The following PCNX2 variants were observed in gnomAD, a reference collection of about 807,000 sequenced individuals.
PCNX2 encodes the protein pecanex 2.
A neutral mutation model predicts 223.8 loss-of-function variants in PCNX2; 168 were observed. That is an observed-to-expected ratio of 0.75 (90% CI 0.66 to 0.85). The LOEUF (loss-of-function observed/expected upper bound fraction) is 0.85, where lower values mean the gene tolerates loss of function less well. Among genes scored for constraint, PCNX2 ranks in the 40% least tolerant of loss-of-function variants. PCNX2 has a pLI of 0.00. For missense variants in PCNX2, 2,507 were observed against 2,675.5 expected (o/e 0.94, Z 1.39); for synonymous variants, 1,006 against 1,052.6 (o/e 0.96, Z 0.86).
At position 233,017,002 on chromosome 1, in the gene PCNX2, C is replaced by T. The variant is rs756408220; in HGVS notation, c.4758G>A (p.Pro1586=). ...FNINIDDDYV[P]CLQGITRASF... ...TAGCTCGTGTGATCCCCTGGAGACA[C>T]GGGACGTAGTCATCATCAATGTTAA... The change falls in exon 27 of 34, where the codon CCG becomes CCA. Residue 1586 remains proline, a synonymous_variant. Transcript: ENST00000258229. 15 of 1,613,812 alleles carry T rather than the reference C, an allele frequency of 9.3e-6. No homozygotes were observed. The highest frequency in any genetic ancestry group is 5.0e-5 in the Admixed American group (3 of 59,976).
At chr1:233,317,275 G>A in the PCNX2 span, among the ~76,000 whole-genome samples, 167 of 152,168 alleles carry the variant, frequency 1.1e-3, no homozygotes, top group African/African-American at 3.8e-3. Flanking sequence ...TTAGCTGGGC[G>A]TGATGATGGG....
At chr1:233,158,871 G>A (rs1290011161) in intron 19 of PCNX2, among the ~76,000 whole-genome samples, 2 of 152,150 alleles carry the variant, frequency 1.3e-5, no homozygotes, top group Admixed American at 1.3e-4. Context: ...ATAGAAACTG[G>A]TCTTTTTCAT....
chr1:233,068,755 A>G (rs1247388575), intron 23 of PCNX2, among the ~76,000 whole-genome samples: 1 of 152,076 alleles, frequency 6.6e-6, no homozygotes, highest in East Asian at 1.9e-4. Context: ...ATTCTGAAAA[A>G]TGTTCAAGAA....
intron 32 of PCNX2, among the ~76,000 whole-genome samples, chr1:232,994,012 C>T (rs967077173): frequency 5.3e-5 from 8 of 152,204 alleles, no homozygotes; most frequent in Non-Finnish European, 8.8e-5. Context: ...GCTGCAGGGG[C>T]GGAGTTCTCA....
At chr1:233,081,198 T>C (rs1673343337) in intron 23 of PCNX2, among the ~76,000 whole-genome samples, 1 of 151,928 alleles carries the variant, frequency 6.6e-6, no homozygotes, top group Non-Finnish European at 1.5e-5. Context: ...AATACAAAAA[T>C]TAGCCAGGCA....
chr1:232,996,012 C>T (rs1203765296), intron 32 of PCNX2, among the ~76,000 whole-genome samples: 1 of 152,136 alleles, frequency 6.6e-6, no homozygotes, highest in African/African-American at 2.4e-5. Context: ...CACCCACCAC[C>T]ACACCTGGCT....
At chr1:233,291,339 G>T (rs1475316893) in intron 1 of PCNX2, among the ~76,000 whole-genome samples, 2 of 152,160 alleles carry the variant, frequency 1.3e-5, no homozygotes, top group Non-Finnish European at 2.9e-5. Flanking sequence ...GCCAGGCATG[G>T]TGGCTCACGC....
intron 7 of PCNX2, among the ~76,000 whole-genome samples, chr1:233,251,576 G>A (rs567485318): frequency 1.6e-4 from 25 of 152,258 alleles, no homozygotes; most frequent in African/African-American, 5.8e-4. Context: ...AATGACAACC[G>A]CAGCCCCTGT....
intron 23 of PCNX2, among the ~76,000 whole-genome samples, chr1:233,086,528 A>G (rs995939275): frequency 6.6e-6 from 1 of 151,728 alleles, no homozygotes; most frequent in Non-Finnish European, 1.5e-5. Context: ...AAAATTAGTC[A>G]GGCGTGGTGG....
chr1:233,066,139 A>G (rs1273105444), intron 23 of PCNX2, among the ~76,000 whole-genome samples: 1 of 152,202 alleles, frequency 6.6e-6, no homozygotes, highest in East Asian at 1.9e-4. Flanking sequence ...TCCGTCACTC[A>G]GTAAAACTCT....
chr1:233,306,610 A>G, the PCNX2 span, among the ~76,000 whole-genome samples: 2 of 152,238 alleles, frequency 1.3e-5, no homozygotes, highest in Admixed American at 1.3e-4. Flanking sequence ...TACATGTTAA[A>G]TGGCTGAATT....
chr1:233,165,668 G>A (rs1015189099), intron 17 of PCNX2, among the ~76,000 whole-genome samples: 4 of 151,954 alleles, frequency 2.6e-5, no homozygotes, highest in Admixed American at 6.6e-5. Context: ...TGTGCAAGAC[G>A]GAAACCACCT....
intron 21 of PCNX2, among the ~76,000 whole-genome samples, chr1:233,102,091 T>C (rs773429926): frequency 4.4e-4 from 50 of 113,078 alleles, no homozygotes; most frequent in Non-Finnish European, 8.8e-4. Context: ...ATTTTTCTTT[T>C]TTTTTTTTTT....
chr1:233,094,302 A>C (rs1159882707), intron 22 of PCNX2, among the ~76,000 whole-genome samples: 5 of 152,248 alleles, frequency 3.3e-5, no homozygotes, highest in African/African-American at 1.2e-4. Flanking sequence ...CGTCAGAAAG[A>C]GATTAAAAAT....
intron 21 of PCNX2, among the ~76,000 whole-genome samples, chr1:233,107,584 A>G (rs1558237727): frequency 6.6e-6 from 1 of 152,198 alleles, no homozygotes; most frequent in Non-Finnish European, 1.5e-5. Flanking sequence ...AATTTCATGT[A>G]AAATTAAAAT....
In PCNX2 at chr1:232,999,822, G is replaced by A. The variant is rs530898653; in HGVS notation, c.5329-443C>T. 2.7e-3 allele frequency among the ~76,000 whole-genome samples: 412 copies of A among 152,300 alleles called. 2 individuals are homozygous for A. Among genetic ancestry groups the A allele is most frequent in the African/African-American group, 9.4e-3 (391 of 41,562 alleles). ...ACAGTTAAGCCAGAAGAGCCATCCT[G>A]CAAGACGGATATGATGCCATCTTCA... On this transcript the variant is annotated intron_variant, in intron 30 of 33. Transcript: ENST00000258229.
chr1:233,018,468 T>A (rs987289890), intron 26 of PCNX2, among the ~76,000 whole-genome samples: 12 of 152,350 alleles, frequency 7.9e-5, no homozygotes, highest in Admixed American at 5.2e-4. Flanking sequence ...ACTGTACTTA[T>A]GAGTCCCACT....
intron 13 of PCNX2, among the ~76,000 whole-genome samples, chr1:233,206,377 A>G (rs1681463179): frequency 7.4e-6 from 1 of 135,604 alleles, no homozygotes. Context: ...AGATGGCAGG[A>G]AAGGATGGCC....
chr1:233,216,185 C>T (rs1038696412), intron 12 of PCNX2, among the ~76,000 whole-genome samples: 4 of 152,108 alleles, frequency 2.6e-5, no homozygotes, highest in Non-Finnish European at 5.9e-5. Flanking sequence ...GAACTCGGTA[C>T]AGAGGCATGT....
Sources: allele counts gnomAD v4.1 joint callset (sites outside exome capture counted in the v4.1 genomes callset), GRCh38; gene constraint gnomAD v4.1.1; transcripts MANE v1.5; gene names NCBI Gene and HGNC (gene_info 2026-07-23, HGNC 2026-07-21).